Variants in PRKCA observed in about 807,000 individuals in gnomAD.
The protein encoded by PRKCA is protein kinase C alpha, also known as protein kinase C alpha type.
PRKCA carries 27 observed loss-of-function variants against 87.0 expected under a neutral mutation model. That is an observed-to-expected ratio of 0.31 (90% confidence interval 0.23 to 0.43). The LOEUF (loss-of-function observed/expected upper bound fraction) is 0.43. PRKCA is among the 20% of genes least tolerant of loss of function. PRKCA has a pLI of 1.00. For synonymous variants in PRKCA, 329 were observed against 311.1 expected, an observed-to-expected ratio of 1.06 and a Z score of -0.61; for missense variants, 518 against 852.3, an observed-to-expected ratio of 0.61 and a Z score of 4.88.
In PRKCA at chr17:66,739,645, G is replaced by A. The variant is rs570097434; in HGVS notation, c.1322+790G>A. The stretch of plus-strand genomic sequence containing the variant: ...GGAAGTGCAACCCCACGAAATGACC[G>A]GCTCAGAGGTGGGGGAAGAGCCTTC... On this transcript the variant is annotated intron_variant, in intron 11 of 16. Transcript: ENST00000413366. Among the ~76,000 whole-genome samples the A allele has an allele frequency of 6.1e-4, 93 of 152,298 alleles. 2 individuals are homozygous for A. In the South Asian group the frequency reaches 0.018, roughly 30 times the overall value.
chr17:66,666,674 A>G (rs535927179), intron 5 of PRKCA, among the ~76,000 whole-genome samples: 33 of 152,354 alleles, frequency 2.2e-4, no homozygotes, highest in African/African-American at 7.7e-4. Flanking sequence ...AAAGGGCTAT[A>G]TAAGTATTCC....
chr17:66,615,086 T>C (rs1970480598), intron 3 of PRKCA, among the ~76,000 whole-genome samples: 1 of 152,088 alleles, frequency 6.6e-6, no homozygotes, highest in African/African-American at 2.4e-5. Context: ...CAAATGGCTG[T>C]GTAGCTCCAG....
At chr17:66,364,935 A>G (rs575295737) in intron 2 of PRKCA, among the ~76,000 whole-genome samples, 5 of 152,190 alleles carry the variant, frequency 3.3e-5, no homozygotes, top group Non-Finnish European at 5.9e-5. Flanking sequence ...CTGTTTCAGA[A>G]CTGAAGAAGG....
At chr17:66,695,574 C>A (rs1972897389) in intron 8 of PRKCA, among the ~76,000 whole-genome samples, 1 of 152,102 alleles carries the variant, frequency 6.6e-6, no homozygotes, top group Non-Finnish European at 1.5e-5. Flanking sequence ...TTGTTTTTGT[C>A]ATTTATTATT....
At chr17:66,303,503 T>TTG (rs5821533) in intron 1 of PRKCA, among the ~76,000 whole-genome samples, 5 of 151,460 alleles carry the variant, frequency 3.3e-5, no homozygotes, top group African/African-American at 9.7e-5. Context: ...GCGTTCGGGG[T>TTG]GGGGGGGTTG....
At chr17:66,558,873 G>A (rs551123316) in intron 3 of PRKCA, among the ~76,000 whole-genome samples, 2 of 152,278 alleles carry the variant, frequency 1.3e-5, no homozygotes, top group Admixed American at 6.5e-5. Context: ...CTGCCATGCA[G>A]TTCAGAATGA....
At chr17:66,607,035 T>C (rs1970229349) in intron 3 of PRKCA, among the ~76,000 whole-genome samples, 1 of 152,218 alleles carries the variant, frequency 6.6e-6, no homozygotes, top group Non-Finnish European at 1.5e-5. Context: ...TCATTTCTTA[T>C]TTTGTAATGC....
chr17:66,721,748 CT>C (rs915518227), intron 8 of PRKCA, among the ~76,000 whole-genome samples: 1 of 152,200 alleles, frequency 6.6e-6, no homozygotes, highest in Non-Finnish European at 1.5e-5. Context: ...GGCTTCATTA[CT>C]GCATCCTGTT....
chr17:66,683,142 A>C (rs1598871039), intron 5 of PRKCA, among the ~76,000 whole-genome samples: 1 of 152,234 alleles, frequency 6.6e-6, no homozygotes, highest in Non-Finnish European at 1.5e-5. Context: ...AGGCAACTGG[A>C]TCCAGCTAGA....
At chr17:66,609,265 C>G (rs988330974) in intron 3 of PRKCA, among the ~76,000 whole-genome samples, 1 of 152,128 alleles carries the variant, frequency 6.6e-6, no homozygotes, top group African/African-American at 2.4e-5. Context: ...CATTGGACTT[C>G]AAGGTAGCTA....
At chr17:66,465,297 C>G (rs1915036369) in intron 2 of PRKCA, among the ~76,000 whole-genome samples, 1 of 152,160 alleles carries the variant, frequency 6.6e-6, no homozygotes. Context: ...CAAGACTTCC[C>G]TAAGAAACTG....
At chr17:66,718,740 A>G (rs1225710157) in intron 8 of PRKCA, among the ~76,000 whole-genome samples, 5 of 152,200 alleles carry the variant, frequency 3.3e-5, no homozygotes, top group African/African-American at 4.8e-5. Context: ...AAGGATTTCA[A>G]CATGTGAATT....
At chr17:66,623,489 T>A (rs909854768) in intron 3 of PRKCA, among the ~76,000 whole-genome samples, 4 of 152,146 alleles carry the variant, frequency 2.6e-5, no homozygotes, top group African/African-American at 9.7e-5. Flanking sequence ...CCAGGAGATA[T>A]GCAACGTGGT....
At position 66,738,896 on chromosome 17, in the gene PRKCA, G is replaced by A. The variant is rs770618660; in HGVS notation, c.1322+41G>A. ...TAAGTCCTTTAATTTGAACAACCAA[G>A]TCCTACCAACTGGAAACTTCCTTTT... On this transcript the variant is annotated intron_variant, in intron 11 of 16. Coordinates refer to ENST00000413366, the MANE Select transcript of PRKCA (RefSeq NM_002737.3). 3 of 1,505,208 alleles carry A rather than the reference G, an allele frequency of 2.0e-6. No homozygotes were observed. The African/African-American group carries it at 4.4e-5, about 22-fold the overall frequency. 93.2% of individuals were successfully genotyped at this position (1,505,208 alleles called of 1,614,324 possible).
At chr17:66,322,267 G>A (rs12150623) in intron 2 of PRKCA, among the ~76,000 whole-genome samples, 5,117 of 152,244 alleles carry the variant, frequency 0.034, 125 homozygotes, top group Middle Eastern at 0.068. Flanking sequence ...ACACTGTCCT[G>A]TAGAATTTTG....
chr17:66,781,874 T>G (rs201693240), intron 14 of PRKCA, among the ~76,000 whole-genome samples: 15,426 of 139,600 alleles, frequency 0.11, 921 homozygotes, highest in East Asian at 0.23. Context: ...GAGAGATATA[T>G]ATATATATAT....
chr17:66,307,357 T>C (rs186343597), intron 2 of PRKCA, among the ~76,000 whole-genome samples: 174 of 152,322 alleles, frequency 1.1e-3, no homozygotes, highest in Middle Eastern at 3.4e-3. Flanking sequence ...CTCAAAGTTG[T>C]GGGCCTGAAC....
intron 13 of PRKCA, among the ~76,000 whole-genome samples, chr17:66,761,238 C>T (rs1157670189): frequency 2.0e-5 from 3 of 151,354 alleles, no homozygotes; most frequent in African/African-American, 4.9e-5. Context: ...GGTGTGGTGG[C>T]GTGTGCCTGT....
At position 66,555,236 on chromosome 17, in the gene PRKCA, A is replaced by G. The variant is rs538879980; in HGVS notation, c.288+58953A>G. On this transcript the variant is annotated intron_variant, in intron 3 of 16. Transcript: ENST00000413366. The stretch of plus-strand genomic sequence containing the variant: ...TATCTTTCTGTGCAGTCAGCACAGC[A>G]TTTTAAATGCAATGCTTGCTTATGA... 9.8e-5 allele frequency among the ~76,000 whole-genome samples: 15 copies of G among 152,310 alleles called. No homozygotes were observed. The South Asian group carries it at 2.1e-3, about 21-fold the overall frequency.
Sources: gnomAD v4.1 joint callset for allele counts (sites outside exome capture counted in the v4.1 genomes callset) on GRCh38, gnomAD v4.1.1 for gene constraint, MANE v1.5 for transcripts, NCBI Gene and HGNC (gene_info 2026-07-23, HGNC 2026-07-21) for gene names.